PIP4K2A: variants seen among roughly 807,000 people sequenced by gnomAD.
PIP4K2A encodes the protein phosphatidylinositol 5-phosphate 4-kinase type-2 alpha.
Under a neutral mutation model 42.9 loss-of-function variants are expected in PIP4K2A, and 14 were observed. That is an observed-to-expected ratio of 0.33 (90% CI 0.22 to 0.51). The LOEUF (loss-of-function observed/expected upper bound fraction) is 0.51. Ranked by LOEUF, PIP4K2A falls within the 20% of genes least tolerant of loss-of-function variation. The pLI, the probability that PIP4K2A is intolerant of heterozygous loss-of-function variation, is 0.97. For missense variants in PIP4K2A, 434 were observed against 519.8 expected (o/e 0.83, Z 1.61); for synonymous variants, 192 against 192.2 (o/e 1.00, Z 0.01).
At chr10:22,542,861 C>A (rs778136432) in intron 7 of PIP4K2A, among the ~76,000 whole-genome samples, 8 of 152,224 alleles carry the variant, frequency 5.3e-5, no homozygotes, top group Non-Finnish European at 8.8e-5. Flanking sequence ...CATCTGCGGG[C>A]TGGACCCAAC....
Position 22,552,869 on chromosome 10 carries a change from G to C in PIP4K2A, c.679-2097C>G, listed in dbSNP as rs148113955. On this transcript the variant is annotated intron_variant, in intron 6 of 9. Coordinates refer to ENST00000376573, the MANE Select transcript of PIP4K2A (RefSeq NM_005028.5). ...CCATTTTATAAGTGTAAGAAAAGAA[G>C]GGTAGAGGGTGTTTTTTTCTGGTTT... 5.5e-3 allele frequency among the ~76,000 whole-genome samples: 842 copies of C among 152,282 alleles called. 13 individuals are homozygous for C. The highest frequency in any genetic ancestry group is 0.018 in the African/African-American group (768 of 41,562).
chr10:22,703,863 G>A (rs1833761076), intron 1 of PIP4K2A, among the ~76,000 whole-genome samples: 1 of 152,084 alleles, frequency 6.6e-6, no homozygotes, highest in Non-Finnish European at 1.5e-5. Context: ...AAGGAGTGGG[G>A]AGAAAAAAGC....
chr10:22,620,768 C>G (rs1044868271), intron 1 of PIP4K2A, among the ~76,000 whole-genome samples: 1 of 152,234 alleles, frequency 6.6e-6, no homozygotes, highest in African/African-American at 2.4e-5. Context: ...ATGACTTGGC[C>G]CATTCCAGGG....
intron 4 of PIP4K2A, among the ~76,000 whole-genome samples, chr10:22,584,278 T>C (rs7087066): frequency 0.63 from 95,811 of 151,676 alleles, 30,740 homozygotes; most frequent in East Asian, 0.94. Context: ...TTTTGAAAAA[T>C]CTTCTGGAAA....
chr10:22,549,151 C>T (rs980316435), intron 7 of PIP4K2A, among the ~76,000 whole-genome samples: 2 of 152,134 alleles, frequency 1.3e-5, no homozygotes, highest in African/African-American at 4.8e-5. Context: ...AGTATGTATA[C>T]TATAAAGGTA....
intron 1 of PIP4K2A, among the ~76,000 whole-genome samples, chr10:22,621,716 C>T (rs1483106745): frequency 6.6e-6 from 1 of 152,190 alleles, no homozygotes; most frequent in Non-Finnish European, 1.5e-5. Context: ...ATCACTGAAA[C>T]ACATCATTAA....
intron 6 of PIP4K2A, among the ~76,000 whole-genome samples, chr10:22,558,133 G>T (rs1298945684): frequency 6.6e-6 from 1 of 152,182 alleles, no homozygotes; most frequent in Non-Finnish European, 1.5e-5. Flanking sequence ...CGCTGTCACT[G>T]TGACACTCAG....
intron 1 of PIP4K2A, among the ~76,000 whole-genome samples, chr10:22,706,909 C>G (rs1833833649): frequency 6.6e-6 from 1 of 152,012 alleles, no homozygotes; most frequent in Admixed American, 6.6e-5. Flanking sequence ...CGATGATGTT[C>G]TACTACAAAA....
chr10:22,535,659 C>T lies in PIP4K2A; in HGVS notation c.*1542G>A, dbSNP rs41304595. The T allele has an allele frequency of 7.7e-4, 119 of 155,374 alleles. No individual in the cohort carries two copies. The highest frequency in any genetic ancestry group is 1.4e-3 in the Non-Finnish European group (98 of 70,250). 9.6% of individuals were successfully genotyped at this position (155,374 alleles called of 1,614,324 possible). On this transcript the variant is annotated 3_prime_UTR_variant, in exon 10 of 10. Coordinates refer to ENST00000376573, the MANE Select transcript of PIP4K2A (RefSeq NM_005028.5). ...TAAACAAGGAGTTTCAAAGGCATGG[C>T]TTTAGCGCAGCATGTAAGTGGATAA...
At chr10:22,661,318 A>G (rs985231299) in intron 1 of PIP4K2A, among the ~76,000 whole-genome samples, 1 of 145,416 alleles carries the variant, frequency 6.9e-6, no homozygotes, top group African/African-American at 2.5e-5. Flanking sequence ...TGTATATACT[A>G]GTCTATACCT....
In PIP4K2A at chr10:22,714,197, CCCA is replaced by C; in HGVS notation, c.127_129del (p.Trp43del). On this transcript the variant is annotated inframe_deletion, in exon 1 of 10. Coordinates refer to ENST00000376573, the MANE Select transcript of PIP4K2A (RefSeq NM_005028.5). ...TGAGCCCTTACCGAGTGGTTTACCC[CCCA>C]CATGAGGACGCTGAGCAGCGGGTCG... The C allele has an allele frequency of 1.2e-6, 2 of 1,610,298 alleles. No individual in the cohort carries two copies. The highest frequency in any genetic ancestry group is 1.7e-6 in the Non-Finnish European group (2 of 1,178,002).
intron 5 of PIP4K2A, among the ~76,000 whole-genome samples, chr10:22,569,746 C>A (rs1836938822): frequency 6.6e-6 from 1 of 152,060 alleles, no homozygotes; most frequent in African/African-American, 2.4e-5. Context: ...GAAGCTTCAT[C>A]TGTATGCAAA....
rs1352546352 is a variant in PIP4K2A, at chr10:22,664,208, T to C, written c.144+49975A>G. Among the ~76,000 whole-genome samples, 12 of 62,474 alleles carry C rather than the reference T, an allele frequency of 1.9e-4. 3 individuals carry two copies. The highest frequency in any genetic ancestry group is 1.6e-3 in the East Asian group (4 of 2,470). The allele number at this position is 62,474 out of a possible 152,430, so 41.0% of individuals were successfully genotyped here. ...ATATATATACATATATATATACATA[T>C]ATATATATACATATATATATACACA... On this transcript the variant is annotated intron_variant, in intron 1 of 9. Transcript: ENST00000376573.
intron 1 of PIP4K2A, among the ~76,000 whole-genome samples, chr10:22,666,697 T>A (rs1373415558): frequency 6.6e-6 from 1 of 152,196 alleles, no homozygotes; most frequent in South Asian, 2.1e-4. Flanking sequence ...TTCCGGCACC[T>A]ACATTTCTTT....
At chr10:22,625,891 G>C (rs1423621865) in intron 1 of PIP4K2A, among the ~76,000 whole-genome samples, 2 of 152,210 alleles carry the variant, frequency 1.3e-5, no homozygotes, top group African/African-American at 4.8e-5. Context: ...AATAACTCAG[G>C]AGGGAGGGGA....
intron 8 of PIP4K2A, among the ~76,000 whole-genome samples, chr10:22,540,770 G>A (rs1343140150): frequency 6.6e-6 from 1 of 152,142 alleles, no homozygotes; most frequent in African/African-American, 2.4e-5. Context: ...GGTCAGGCTG[G>A]TCTCAAACTC....
chr10:22,618,876 C>T (rs989576824), intron 1 of PIP4K2A, among the ~76,000 whole-genome samples: 11 of 152,324 alleles, frequency 7.2e-5, no homozygotes, highest in African/African-American at 2.4e-4. Flanking sequence ...GAAACTACGA[C>T]TATTTATACA....
chr10:22,712,351 C>T (rs979417466), intron 1 of PIP4K2A, among the ~76,000 whole-genome samples: 1 of 152,106 alleles, frequency 6.6e-6, no homozygotes, highest in Non-Finnish European at 1.5e-5. Flanking sequence ...CCAGAAAGCA[C>T]ACTCTTTTTC....
intron 4 of PIP4K2A, among the ~76,000 whole-genome samples, chr10:22,583,248 C>T (rs200106638): frequency 2.0e-5 from 3 of 152,306 alleles, no homozygotes; most frequent in East Asian, 1.9e-4. Context: ...CACGTATGAC[C>T]GCTGGCAGGG....
Sources: allele counts gnomAD v4.1 joint callset (sites outside exome capture counted in the v4.1 genomes callset), GRCh38; gene constraint gnomAD v4.1.1; transcripts MANE v1.5; gene names NCBI Gene and HGNC (gene_info 2026-07-23, HGNC 2026-07-21).